CHCHD3: variants seen among roughly 807,000 people sequenced by gnomAD.
CHCHD3 encodes the protein MICOS complex subunit MIC19.
A neutral mutation model predicts 38.2 loss-of-function variants in CHCHD3; 20 were observed. That is an observed-to-expected ratio of 0.52 (90% CI 0.37 to 0.76). The LOEUF (loss-of-function observed/expected upper bound fraction) is 0.76, where lower values mean the gene tolerates loss of function less well. CHCHD3 is among the 30% of genes least tolerant of loss of function. The pLI, the probability that CHCHD3 is intolerant of heterozygous loss-of-function variation, is 0.00. For synonymous variants in CHCHD3, 82 were observed against 100.0 expected, an observed-to-expected ratio of 0.82 and a Z score of 1.07; for missense variants, 245 against 279.2, an observed-to-expected ratio of 0.88 and a Z score of 0.87.
At chr7:133,008,612 A>G (rs1812771054) in intron 3 of CHCHD3, among the ~76,000 whole-genome samples, 1 of 152,158 alleles carries the variant, frequency 6.6e-6, no homozygotes, top group Admixed American at 6.5e-5. Context: ...GCCATATGAA[A>G]TGTCTGAGAC....
At chr7:132,802,276 C>T (rs546809162) in intron 6 of CHCHD3, among the ~76,000 whole-genome samples, 6 of 152,212 alleles carry the variant, frequency 3.9e-5, no homozygotes, top group Non-Finnish European at 7.4e-5. Flanking sequence ...TTGGTGTCTT[C>T]TCTGTGGTGC....
chr7:132,880,102 G>A (rs1340679427), intron 5 of CHCHD3, among the ~76,000 whole-genome samples: 1 of 152,090 alleles, frequency 6.6e-6, no homozygotes, highest in African/African-American at 2.4e-5. Context: ...ATTAGAAGCT[G>A]GTAAGAGCTA....
intron 3 of CHCHD3, among the ~76,000 whole-genome samples, chr7:132,979,810 T>A (rs1033076498): frequency 3.9e-5 from 6 of 152,166 alleles, no homozygotes; most frequent in African/African-American, 1.4e-4. Context: ...CATTTCCCAT[T>A]TAAAAGCAAT....
intron 6 of CHCHD3, among the ~76,000 whole-genome samples, chr7:132,805,249 A>G (rs1016409953): frequency 6.6e-6 from 1 of 152,178 alleles, no homozygotes; most frequent in Admixed American, 6.5e-5. Flanking sequence ...CGAAGTGTCA[A>G]GGAAACAGTA....
chr7:132,984,350 C>G (rs1238343382), intron 3 of CHCHD3, among the ~76,000 whole-genome samples: 1 of 151,854 alleles, frequency 6.6e-6, no homozygotes, highest in Admixed American at 6.6e-5. Flanking sequence ...CAGACGGAGT[C>G]GCGTTCACTC....
chr7:132,871,903 T>C (rs1460150576), intron 5 of CHCHD3, among the ~76,000 whole-genome samples: 1 of 152,064 alleles, frequency 6.6e-6, no homozygotes, highest in Non-Finnish European at 1.5e-5. Context: ...GATGTATTTG[T>C]CAATTATACA....
At chr7:132,885,862 T>C (rs1261012450) in intron 4 of CHCHD3, 117 bp from the exon 5 acceptor site, 1 of 610,018 alleles carries the variant, frequency 1.6e-6, no homozygotes, top group African/African-American at 1.9e-5. Context: ...TTGCAATCTA[T>C]TAGGTCTCTG....
At chr7:132,852,064 A>T (rs985028052) in intron 5 of CHCHD3, among the ~76,000 whole-genome samples, 1 of 152,226 alleles carries the variant, frequency 6.6e-6, no homozygotes, top group Non-Finnish European at 1.5e-5. Context: ...GACAAACATT[A>T]GCTCCTTTAA....
intron 3 of CHCHD3, among the ~76,000 whole-genome samples, chr7:133,000,069 A>G (rs1472662368): frequency 6.6e-6 from 1 of 152,192 alleles, no homozygotes; most frequent in Non-Finnish European, 1.5e-5. Flanking sequence ...AATTATTTCA[A>G]AAAGTGACAA....
chr7:132,941,891 C>G (rs967570235), intron 4 of CHCHD3, among the ~76,000 whole-genome samples: 16 of 152,188 alleles, frequency 1.1e-4, no homozygotes, highest in African/African-American at 3.9e-4. Context: ...AGGAATTTAA[C>G]ATAATCATCA....
chr7:132,867,389 A>C (rs1808660100), intron 5 of CHCHD3, among the ~76,000 whole-genome samples: 1 of 152,208 alleles, frequency 6.6e-6, no homozygotes, highest in South Asian at 2.1e-4. Context: ...TACTTTTTAA[A>C]GCTTTATAAA....
At chr7:132,867,314 T>C (rs1452681602) in intron 5 of CHCHD3, among the ~76,000 whole-genome samples, 1 of 152,138 alleles carries the variant, frequency 6.6e-6, no homozygotes, top group Non-Finnish European at 1.5e-5. Context: ...GAAACAAGGG[T>C]ATTAAATTAC....
chr7:132,964,613 T>C (rs1811410291), intron 4 of CHCHD3, among the ~76,000 whole-genome samples: 1 of 152,122 alleles, frequency 6.6e-6, no homozygotes, highest in Non-Finnish European at 1.5e-5. Flanking sequence ...TGCCTTTATA[T>C]ACTAGTATTC....
intron 4 of CHCHD3, among the ~76,000 whole-genome samples, chr7:132,955,173 G>GGGGGGGGTGTGTGT (rs138213006): frequency 7.9e-6 from 1 of 126,226 alleles, no homozygotes; most frequent in African/African-American, 3.0e-5. Context: ...TCCCTCAGAG[G>GGGGGGGGTGTGTGT]GTGTGTGTGT....
intron 6 of CHCHD3, among the ~76,000 whole-genome samples, chr7:132,818,196 AT>A: frequency 6.6e-6 from 1 of 152,246 alleles, no homozygotes; most frequent in Non-Finnish European, 1.5e-5. Flanking sequence ...GCAAAAGCCA[AT>A]ACCAGACAGT....
chr7:132,912,936 C>A (rs2117222677), intron 4 of CHCHD3, among the ~76,000 whole-genome samples: 1 of 152,322 alleles, frequency 6.6e-6, no homozygotes, highest in East Asian at 1.9e-4. Flanking sequence ...CTTAAATTTT[C>A]TATATGTTTG....
chr7:132,799,590 TG>T (rs1489597139), intron 6 of CHCHD3, among the ~76,000 whole-genome samples: 2 of 152,098 alleles, frequency 1.3e-5, no homozygotes, highest in Non-Finnish European at 2.9e-5. Flanking sequence ...TGAATGACAA[TG>T]GTAAGAGAAG....
chr7:132,874,688 T>C (rs935084632), intron 5 of CHCHD3, among the ~76,000 whole-genome samples: 10 of 152,150 alleles, frequency 6.6e-5, no homozygotes, highest in Non-Finnish European at 7.4e-5. Context: ...AATCTTGACA[T>C]GGGAAGATCA....
chr7:132,815,399 C>G (rs1807174109), intron 6 of CHCHD3: 1 of 333,384 alleles, frequency 3.0e-6, no homozygotes, highest in African/African-American at 2.2e-5. Context: ...AATATATTCT[C>G]TTATTAATTA....
Sources: gnomAD v4.1 joint callset for allele counts (sites outside exome capture counted in the v4.1 genomes callset) on GRCh38, gnomAD v4.1.1 for gene constraint, MANE v1.5 for transcripts, NCBI Gene and HGNC (gene_info 2026-07-23, HGNC 2026-07-21) for gene names.